The following BCL2 variants were observed in gnomAD, a reference collection of about 807,000 sequenced individuals.
BCL2 encodes BCL2 apoptosis regulator.
BCL2 carries 1 observed loss-of-function variant against 14.2 expected under a neutral mutation model. The ratio of observed to expected loss-of-function variants is 0.07; its 90% confidence interval spans 0.02 to 0.33. BCL2 has a LOEUF of 0.33. BCL2 is among the 10% of genes least tolerant of loss of function. The pLI is 0.99. For missense variants in BCL2, 247 were observed against 305.9 expected, an observed-to-expected ratio of 0.81 and a Z score of 1.44; for synonymous variants, 151 against 137.2, an observed-to-expected ratio of 1.10 and a Z score of -0.70.
At chr18:63,223,325 G>A (rs1320164418) in intron 2 of BCL2, among the ~76,000 whole-genome samples, 7 of 151,990 alleles carry the variant, frequency 4.6e-5, no homozygotes, top group Non-Finnish European at 8.8e-5. Flanking sequence ...GTGTGAACCC[G>A]GGAGGCGGAG....
chr18:63,236,720 C>T (rs908233194), intron 2 of BCL2, among the ~76,000 whole-genome samples: 2 of 127,304 alleles, frequency 1.6e-5, no homozygotes, highest in South Asian at 2.9e-4. Flanking sequence ...AGGAAGGGGC[C>T]GGAGGAAGTG....
rs60649454 is a variant in BCL2, at chr18:63,135,778, C to T, written c.586-7019G>A. On this transcript the variant is annotated intron_variant, in intron 2 of 2. Coordinates refer to ENST00000333681, the MANE Select transcript of BCL2 (RefSeq NM_000633.3). Reference sequence around the variant, plus strand: ...TATCCTCAAAATGTCTGTGCTGATGCGTGCTCCACCCTAACCATTATCTTC... The same window carrying T: ...TATCCTCAAAATGTCTGTGCTGATGTGTGCTCCACCCTAACCATTATCTTC... 9.5e-3 allele frequency among the ~76,000 whole-genome samples: 1,444 copies of T among 152,262 alleles called. 31 individuals are homozygous for T. The highest frequency in any genetic ancestry group is 0.033 in the African/African-American group (1,373 of 41,530).
intron 2 of BCL2, among the ~76,000 whole-genome samples, chr18:63,173,094 C>A (rs1296013939): frequency 6.6e-6 from 1 of 152,136 alleles, no homozygotes; most frequent in Non-Finnish European, 1.5e-5. Flanking sequence ...AAGTTGTGAT[C>A]AATTCTCCTT....
intron 2 of BCL2, among the ~76,000 whole-genome samples, chr18:63,169,336 CCTTTCTTTCTTT>C (rs796105554): frequency 1.1e-4 from 7 of 62,052 alleles, no homozygotes; most frequent in Admixed American, 8.5e-4. Flanking sequence ...TCCTTTCCTT[CCTTTCTTTCTTT>C]CTTTCTTTCT....
chr18:63,175,310 G>A (rs146693051), intron 2 of BCL2, among the ~76,000 whole-genome samples: 219 of 152,338 alleles, frequency 1.4e-3, no homozygotes, highest in African/African-American at 5.2e-3. Context: ...TAAGTTAGAC[G>A]TGGGAGTGGT....
intron 2 of BCL2, among the ~76,000 whole-genome samples, chr18:63,199,616 CACAG>C (rs1222129953): frequency 4.0e-5 from 6 of 151,778 alleles, no homozygotes; most frequent in Non-Finnish European, 8.8e-5. Context: ...ACAACACATG[CACAG>C]ACACATACAC....
chr18:63,202,612 T>G (rs1348085658), intron 2 of BCL2, among the ~76,000 whole-genome samples: 1 of 152,198 alleles, frequency 6.6e-6, no homozygotes, highest in Non-Finnish European at 1.5e-5. Flanking sequence ...GATCTGTACC[T>G]CGTTCTGTTT....
chr18:63,190,975 AGTTT>A, intron 2 of BCL2, among the ~76,000 whole-genome samples: 1 of 152,242 alleles, frequency 6.6e-6, no homozygotes, highest in East Asian at 1.9e-4. Flanking sequence ...TTCCTGTGTT[AGTTT>A]GCTGAGGATG....
At chr18:63,277,710 A>T (rs1912196717) in intron 2 of BCL2, among the ~76,000 whole-genome samples, 1 of 151,944 alleles carries the variant, frequency 6.6e-6, no homozygotes, top group African/African-American at 2.4e-5. Context: ...CCACCCCTAT[A>T]ACCACTGTTG....
intron 2 of BCL2, among the ~76,000 whole-genome samples, chr18:63,191,779 C>T (rs559990226): frequency 3.9e-5 from 6 of 152,316 alleles, no homozygotes; most frequent in East Asian, 3.9e-4. Context: ...CTGGAAAAAG[C>T]AGTGCATTTG....
At chr18:63,164,262 A>T (rs1350512269) in intron 2 of BCL2, among the ~76,000 whole-genome samples, 1 of 152,210 alleles carries the variant, frequency 6.6e-6, no homozygotes, top group African/African-American at 2.4e-5. Context: ...CCAGAAAAAT[A>T]TTACTACATA....
At chr18:63,317,144 A>C (rs1367915185) in intron 2 of BCL2, 1 of 152,216 alleles carries the variant, frequency 6.6e-6, no homozygotes, top group Non-Finnish European at 1.5e-5. Context: ...TGTTCTTCAA[A>C]GCCACAGGTA....
chr18:63,181,370 G>A (rs537244321), intron 2 of BCL2, among the ~76,000 whole-genome samples: 1 of 152,350 alleles, frequency 6.6e-6, no homozygotes, highest in East Asian at 1.9e-4. Context: ...CTGGAAGGCA[G>A]TAAAGCTCTG....
chr18:63,270,964 C>A (rs1911988062), intron 2 of BCL2, among the ~76,000 whole-genome samples: 1 of 152,052 alleles, frequency 6.6e-6, no homozygotes, highest in Non-Finnish European at 1.5e-5. Flanking sequence ...GAACTACAGG[C>A]ATGTGGCCAC....
intron 2 of BCL2, among the ~76,000 whole-genome samples, chr18:63,145,120 C>T (rs1403976000): frequency 6.6e-6 from 1 of 152,204 alleles, no homozygotes; most frequent in East Asian, 1.9e-4. Context: ...TGAAAGAGAA[C>T]AAAATTTCCT....
chr18:63,133,918 C>T (rs975065477), intron 2 of BCL2, among the ~76,000 whole-genome samples: 6 of 152,094 alleles, frequency 3.9e-5, no homozygotes, highest in African/African-American at 9.7e-5. Context: ...TGACTGACAG[C>T]GCGTCCACAT....
At chr18:63,236,166 C>A (rs908756911) in intron 2 of BCL2, among the ~76,000 whole-genome samples, 1 of 152,186 alleles carries the variant, frequency 6.6e-6, no homozygotes, top group South Asian at 2.1e-4. Flanking sequence ...GTAAGACGTG[C>A]CTTTGCTCCT....
At chr18:63,234,690 T>C (rs1910774592) in intron 2 of BCL2, among the ~76,000 whole-genome samples, 1 of 152,216 alleles carries the variant, frequency 6.6e-6, no homozygotes, top group Non-Finnish European at 1.5e-5. Context: ...GTTAAGCGCA[T>C]GGGCTCTGGA....
chr18:63,129,354 A>G (rs1914003694), intron 2 of BCL2, among the ~76,000 whole-genome samples: 2 of 151,618 alleles, frequency 1.3e-5, no homozygotes, highest in African/African-American at 2.4e-5. Flanking sequence ...CAGTGGTGCA[A>G]TCATGACCCA....
Sources: gnomAD v4.1 joint callset for allele counts (sites outside exome capture counted in the v4.1 genomes callset) on GRCh38, gnomAD v4.1.1 for gene constraint, MANE v1.5 for transcripts, NCBI Gene and HGNC (gene_info 2026-07-23, HGNC 2026-07-21) for gene names.